The following BRD10 variants were observed in gnomAD, a reference collection of about 807,000 sequenced individuals.
BRD10 encodes uncharacterized bromodomain-containing protein 10.
At chr9:5,970,427 C>G in the BRD10 span, among the ~76,000 whole-genome samples, 1 of 151,744 alleles carries the variant, frequency 6.6e-6, no homozygotes, top group African/African-American at 2.4e-5. Flanking sequence ...GCTTTTTTCC[C>G]CCTTAAGATT....
At chr9:5,984,690 G>C in the BRD10 span, among the ~76,000 whole-genome samples, 1 of 151,936 alleles carries the variant, frequency 6.6e-6, no homozygotes, top group East Asian at 1.9e-4. Context: ...AGATATATTA[G>C]CAATAAATAA....
chr9:5,957,283 G>C, the BRD10 span, among the ~76,000 whole-genome samples: 6 of 152,148 alleles, frequency 3.9e-5, no homozygotes, highest in Non-Finnish European at 7.4e-5. Flanking sequence ...GTGTCACACA[G>C]TAAGTAAGCA....
chr9:5,906,858 A>G, the BRD10 span: 1 of 1,417,876 alleles, frequency 7.1e-7, no homozygotes, highest in Non-Finnish European at 9.5e-7. Context: ...CTTCTCACCC[A>G]CTCACCTTTA....
the BRD10 span, among the ~76,000 whole-genome samples, chr9:5,952,026 T>TATTTATTTATTTATTTATTC: frequency 1.7e-3 from 253 of 149,486 alleles, 4 homozygotes; most frequent in African/African-American, 3.8e-3. Context: ...TTTATTTATT[T>TATTTATTTATTTATTTATTC]ATTTATTTAT....
chr9:5,957,588 T>C, the BRD10 span, among the ~76,000 whole-genome samples: 3 of 152,158 alleles, frequency 2.0e-5, no homozygotes, highest in Non-Finnish European at 4.4e-5. Context: ...AAAGCTGTAC[T>C]CTTTTTATGG....
chr9:5,959,731 G>A, the BRD10 span, among the ~76,000 whole-genome samples: 1 of 152,064 alleles, frequency 6.6e-6, no homozygotes, highest in Non-Finnish European at 1.5e-5. Context: ...ATCAAACACT[G>A]TAGATTACAT....
At chr9:5,973,482 T>C in the BRD10 span, among the ~76,000 whole-genome samples, 2 of 151,990 alleles carry the variant, frequency 1.3e-5, no homozygotes, top group South Asian at 2.1e-4. Context: ...ATAATACTAA[T>C]ACTAACATAA....
the BRD10 span, chr9:5,910,467 A>T: frequency 6.6e-6 from 1 of 152,220 alleles, no homozygotes; most frequent in South Asian, 2.1e-4. Flanking sequence ...TCAAACAAAT[A>T]AATGAATTCT....
At chr9:5,991,192 A>G in the BRD10 span, among the ~76,000 whole-genome samples, 10 of 152,114 alleles carry the variant, frequency 6.6e-5, no homozygotes, top group East Asian at 1.9e-4. Context: ...ATATATATAT[A>G]TATATATATC....
the BRD10 span, among the ~76,000 whole-genome samples, chr9:5,953,421 C>T: frequency 3.3e-5 from 5 of 152,092 alleles, no homozygotes; most frequent in East Asian, 9.6e-4. Flanking sequence ...AAACTCTTCA[C>T]TTAATCATAT....
the BRD10 span, chr9:5,919,742 G>C: frequency 6.2e-7 from 1 of 1,613,416 alleles, no homozygotes; most frequent in African/African-American, 1.3e-5. Context: ...AGGGAAGACA[G>C]ACGCAGGACT....
the BRD10 span, among the ~76,000 whole-genome samples, chr9:5,977,545 G>A: frequency 6.6e-6 from 1 of 152,166 alleles, no homozygotes; most frequent in South Asian, 2.1e-4. Context: ...ATTAAAAACA[G>A]TATCTTAAAA....
At chr9:5,947,686 G>C in the BRD10 span, among the ~76,000 whole-genome samples, 2 of 151,808 alleles carry the variant, frequency 1.3e-5, no homozygotes, top group Non-Finnish European at 2.9e-5. Context: ...CAATTAGTTT[G>C]ACTTATGCCA....
the BRD10 span, among the ~76,000 whole-genome samples, chr9:5,955,226 G>C: frequency 2.0e-5 from 3 of 151,612 alleles, no homozygotes; most frequent in African/African-American, 4.9e-5. Flanking sequence ...CACTGTACAA[G>C]CTACGGGGAC....
At chr9:5,923,127 T>G in the BRD10 span, 1 of 1,614,038 alleles carries the variant, frequency 6.2e-7, no homozygotes, top group Non-Finnish European at 8.5e-7. Flanking sequence ...GTCTCATTTG[T>G]GCTTAACTTT....
At chr9:5,972,356 T>C in the BRD10 span, among the ~76,000 whole-genome samples, 1 of 152,300 alleles carries the variant, frequency 6.6e-6, no homozygotes, top group South Asian at 2.1e-4. Flanking sequence ...AAAGAACTTC[T>C]AGAAATGAAA....
chr9:5,890,646 C>T, the BRD10 span, among the ~76,000 whole-genome samples: 1 of 152,112 alleles, frequency 6.6e-6, no homozygotes. Flanking sequence ...TGTGACATGG[C>T]AATCCTATGG....
the BRD10 span, among the ~76,000 whole-genome samples, chr9:5,939,161 A>C: frequency 2.4e-4 from 37 of 152,276 alleles, no homozygotes; most frequent in Non-Finnish European, 4.6e-4. Context: ...TCTTTGCCTC[A>C]TATCAGTATT....
chr9:5,954,150 CAAAAAACA>C, the BRD10 span: 1 of 939,916 alleles, frequency 1.1e-6, no homozygotes, highest in East Asian at 2.6e-5. Context: ...ACTTCATTAA[CAAAAAACA>C]AATTACGCAG....
Sources: allele counts gnomAD v4.1 joint callset (sites outside exome capture counted in the v4.1 genomes callset), GRCh38; gene constraint gnomAD v4.1.1; transcripts MANE v1.5; gene names NCBI Gene and HGNC (gene_info 2026-07-23, HGNC 2026-07-21).